The following ADAMTS12 variants were observed in gnomAD, a reference collection of about 807,000 sequenced individuals.
ADAMTS12 encodes the protein A disintegrin and metalloproteinase with thrombospondin motifs 12.
Under a neutral mutation model 167.8 loss-of-function variants are expected in ADAMTS12, and 118 were observed. That is an observed-to-expected ratio of 0.70 (90% CI 0.61 to 0.82). The LOEUF is 0.82. Among genes scored for constraint, ADAMTS12 ranks in the 40% least tolerant of loss-of-function variants. The probability of loss-of-function intolerance (pLI) is 0.00; values close to 1 mark genes in which losing one functional copy is unlikely to be tolerated. For missense variants in ADAMTS12, 1,916 were observed against 1,998.8 expected (o/e 0.96, Z 0.79); for synonymous variants, 704 against 716.9 (o/e 0.98, Z 0.29).
In ADAMTS12 at chr5:33,839,782, A is replaced by G. The variant is rs537442072; in HGVS notation, c.489+41337T>C. Among the ~76,000 whole-genome samples, 6 of 152,318 alleles carry G rather than the reference A, an allele frequency of 3.9e-5. 1 individual carries two copies. Among genetic ancestry groups the G allele is most frequent in the African/African-American group, 1.4e-4 (6 of 41,568 alleles). On this transcript the variant is annotated intron_variant, in intron 2 of 23. Transcript: ENST00000504830. ...TTCTTCACTGAAACGCAAGCAATAC[A>G]AACATTAGCCCTGCTTCTCCGCATT... is the stretch of plus-strand genomic sequence containing the variant.
chr5:33,591,245 T>C, intron 17 of ADAMTS12, among the ~76,000 whole-genome samples: 1 of 152,092 alleles, frequency 6.6e-6, no homozygotes, highest in Middle Eastern at 3.2e-3. Context: ...ACCTCTCTTT[T>C]ATTTTTAAAA....
At position 33,525,252 on chromosome 5, in the gene ADAMTS12, C is replaced by G. The variant is rs368986951; in HGVS notation, c.*1936G>C. ...TTATTCACCAGAGATTGCTATCGGC[C>G]AGCAATGTTTATGTTTAAAGGCAGA... is the stretch of plus-strand genomic sequence containing the variant. On this transcript the variant is annotated 3_prime_UTR_variant, in exon 24 of 24. Transcript: ENST00000504830. The G allele has an allele frequency of 6.6e-6, 1 of 152,198 alleles. No individual in the cohort carries two copies. The highest frequency in any genetic ancestry group is 2.4e-5 in the African/African-American group (1 of 41,438). The allele number at this position is 152,198 out of a possible 1,614,324, so 9.4% of individuals were successfully genotyped here.
At chr5:33,623,990 G>C (rs1317105604) in intron 14 of ADAMTS12, among the ~76,000 whole-genome samples, 1 of 152,170 alleles carries the variant, frequency 6.6e-6, no homozygotes, top group Non-Finnish European at 1.5e-5. Flanking sequence ...CACAACCACA[G>C]GGCCATTTCA....
chr5:33,789,342 T>C (rs2112454259), intron 2 of ADAMTS12, among the ~76,000 whole-genome samples: 1 of 152,308 alleles, frequency 6.6e-6, no homozygotes, highest in South Asian at 2.1e-4. Context: ...TGCCCACACA[T>C]GGCCTCCCCC....
At chr5:33,546,729 A>C (rs1179106275) in intron 21 of ADAMTS12, among the ~76,000 whole-genome samples, 2 of 152,274 alleles carry the variant, frequency 1.3e-5, no homozygotes, top group Non-Finnish European at 2.9e-5. Context: ...GATTTCTAAA[A>C]GGGTACAATT....
intron 3 of ADAMTS12, among the ~76,000 whole-genome samples, chr5:33,686,894 TACACATATTCTCTATATATAGGCACTGA>T: frequency 2.0e-5 from 3 of 148,176 alleles, no homozygotes; most frequent in African/African-American, 7.4e-5. Flanking sequence ...TGAATATATA[TACACATATTCTCTATATATAGGCACTGA>T]ATATATATAT....
rs563716576 is a variant in ADAMTS12, at chr5:33,675,808, G to A, written c.915+7210C>T. 2.0e-5 allele frequency among the ~76,000 whole-genome samples: 3 copies of A among 152,194 alleles called. No individual in the cohort carries two copies. The South Asian group carries it at 6.2e-4, about 32-fold the overall frequency. ...CCAAGAAACACTCATTTAATTTATTGTATGCTCTTGATCACAGAAGCCTTG... is the reference window on the plus strand; with the variant it reads ...CCAAGAAACACTCATTTAATTTATTATATGCTCTTGATCACAGAAGCCTTG... On this transcript the variant is annotated intron_variant, in intron 5 of 23. Coordinates refer to ENST00000504830, the MANE Select transcript of ADAMTS12 (RefSeq NM_030955.4).
At chr5:33,597,113 G>A (rs1028190325) in intron 16 of ADAMTS12, among the ~76,000 whole-genome samples, 4 of 152,134 alleles carry the variant, frequency 2.6e-5, no homozygotes, top group Admixed American at 6.5e-5. Context: ...TCTGACAGGC[G>A]AAGAAACTGA....
chr5:33,662,234 T>A (rs1369922821), intron 5 of ADAMTS12, among the ~76,000 whole-genome samples, 194 bp from the exon 6 acceptor site: 1 of 152,162 alleles, frequency 6.6e-6, no homozygotes, highest in African/African-American at 2.4e-5. Flanking sequence ...CCCATTCTAA[T>A]GACCTCCACT....
intron 2 of ADAMTS12, among the ~76,000 whole-genome samples, chr5:33,820,777 GAAT>G (rs1747840129): frequency 6.6e-6 from 1 of 152,172 alleles, no homozygotes; most frequent in Non-Finnish European, 1.5e-5. Context: ...ATGCACCATA[GAAT>G]ATTATGCAGC....
intron 22 of ADAMTS12, among the ~76,000 whole-genome samples, chr5:33,538,527 A>G (rs1386535419): frequency 6.6e-6 from 1 of 152,142 alleles, no homozygotes; most frequent in Non-Finnish European, 1.5e-5. Context: ...CAGTGCCCAT[A>G]TCTGGACAAT....
intron 14 of ADAMTS12, among the ~76,000 whole-genome samples, chr5:33,623,293 C>A (rs1264606470): frequency 6.6e-6 from 1 of 152,144 alleles, no homozygotes; most frequent in Non-Finnish European, 1.5e-5. Flanking sequence ...GATGGATTCC[C>A]TACTCCCAGC....
intron 17 of ADAMTS12, among the ~76,000 whole-genome samples, chr5:33,590,289 C>T (rs910217775): frequency 6.6e-6 from 1 of 152,158 alleles, no homozygotes. Flanking sequence ...CTCTACAGTC[C>T]CTTAGGGGAC....
chr5:33,876,038 A>C (rs948474035), intron 2 of ADAMTS12, among the ~76,000 whole-genome samples: 1 of 152,210 alleles, frequency 6.6e-6, no homozygotes, highest in African/African-American at 2.4e-5. Context: ...TGAATACTAA[A>C]ATTAAAAATA....
At position 33,770,576 on chromosome 5, in the gene ADAMTS12, G is replaced by A. The variant is rs1448959247; in HGVS notation, c.490-19028C>T. ...GAAATATAAACTCAGAAAAATTCAG[G>A]GGTCTAAGAGAGAGCTTGTGTTGCT... is the stretch of plus-strand genomic sequence containing the variant. On this transcript the variant is annotated intron_variant, in intron 2 of 23. Coordinates refer to ENST00000504830, the MANE Select transcript of ADAMTS12 (RefSeq NM_030955.4). Among the ~76,000 whole-genome samples the A allele has an allele frequency of 2.0e-5, 3 of 152,012 alleles. No individual in the cohort carries two copies. The East Asian group carries it at 5.8e-4, about 29-fold the overall frequency.
At chr5:33,724,884 A>T (rs1393582051) in intron 3 of ADAMTS12, among the ~76,000 whole-genome samples, 2 of 151,858 alleles carry the variant, frequency 1.3e-5, no homozygotes, top group African/African-American at 4.8e-5. Flanking sequence ...TTATTTCAAG[A>T]CTCTCACCTC....
intron 3 of ADAMTS12, among the ~76,000 whole-genome samples, chr5:33,745,177 T>C (rs1328956490): frequency 2.0e-5 from 3 of 152,014 alleles, no homozygotes; most frequent in Non-Finnish European, 4.4e-5. Flanking sequence ...GATGACTCTA[T>C]GGGTGAGGGG....
At chr5:33,736,539 G>A (rs1328274500) in intron 3 of ADAMTS12, among the ~76,000 whole-genome samples, 2 of 152,074 alleles carry the variant, frequency 1.3e-5, no homozygotes, top group Admixed American at 1.3e-4. Flanking sequence ...TTTCATCCCT[G>A]GTATTTACAA....
intron 22 of ADAMTS12, among the ~76,000 whole-genome samples, chr5:33,542,663 C>G (rs1378860328): frequency 6.6e-6 from 1 of 152,204 alleles, no homozygotes; most frequent in African/African-American, 2.4e-5. Context: ...AACAAACTGT[C>G]TCTCAGACCA....
Sources: allele counts gnomAD v4.1 joint callset (sites outside exome capture counted in the v4.1 genomes callset), GRCh38; gene constraint gnomAD v4.1.1; transcripts MANE v1.5; gene names NCBI Gene and HGNC (gene_info 2026-07-23, HGNC 2026-07-21).